Variants in BICC1 observed in about 807,000 individuals in gnomAD.
BICC1 encodes the protein BicC family RNA binding protein 1.
In BICC1, 43 loss-of-function variants were observed where a neutral mutation model predicts 111.0. The observed-to-expected ratio is 0.39, with a 90% CI of 0.30 to 0.50. BICC1 has a LOEUF of 0.50. Among genes scored for constraint, BICC1 ranks in the 20% least tolerant of loss-of-function variants. The pLI is 0.88. For synonymous variants in BICC1, 467 were observed against 434.4 expected (o/e 1.07, Z -0.93); for missense variants, 1,091 against 1,203.2 (o/e 0.91, Z 1.38).
In BICC1 at chr10:58,828,933, G is replaced by A. The variant is rs757118475; in HGVS notation, c.*42G>A. On this transcript the variant is annotated 3_prime_UTR_variant, in exon 21 of 21. Transcript: ENST00000373886. ...CATGCCCGCTGACTAACTGTAAAGTGGACACAGGAGATGTATGAACAGCCT... is the reference window on the plus strand; with the variant it reads ...CATGCCCGCTGACTAACTGTAAAGTAGACACAGGAGATGTATGAACAGCCT... 6.8e-6 allele frequency: 11 copies of A among 1,610,472 alleles called. No homozygotes were observed. The highest frequency in any genetic ancestry group is 1.7e-5 in the Admixed American group (1 of 59,800).
intron 1 of BICC1, among the ~76,000 whole-genome samples, chr10:58,542,871 CAA>C (rs1843032300): frequency 1.3e-5 from 2 of 150,976 alleles, no homozygotes; most frequent in South Asian, 4.2e-4. Context: ...CTGAAAAAAA[CAA>C]GTGTTGGTTA....
intron 19 of BICC1, among the ~76,000 whole-genome samples, chr10:58,818,062 T>G (rs1270037812): frequency 6.6e-6 from 1 of 152,224 alleles, no homozygotes; most frequent in African/African-American, 2.4e-5. Context: ...TAACATGATT[T>G]CATTTTGAAT....
chr10:58,711,507 A>G (rs1327531156), intron 3 of BICC1, among the ~76,000 whole-genome samples: 1 of 152,228 alleles, frequency 6.6e-6, no homozygotes, highest in Non-Finnish European at 1.5e-5. Context: ...TCTCACACTC[A>G]CAGACATACA....
At chr10:58,681,405 A>T (rs772835890) in intron 2 of BICC1, among the ~76,000 whole-genome samples, 5 of 152,218 alleles carry the variant, frequency 3.3e-5, no homozygotes, top group Non-Finnish European at 5.9e-5. Flanking sequence ...CATATGAAAA[A>T]AGCTCATCAT....
chr10:58,794,410 T>C (rs1276278545), intron 9 of BICC1, among the ~76,000 whole-genome samples: 1 of 150,250 alleles, frequency 6.7e-6, no homozygotes, highest in Non-Finnish European at 1.5e-5. Context: ...AAAAATTTAA[T>C]GGAATAAATG....
intron 1 of BICC1, among the ~76,000 whole-genome samples, chr10:58,559,340 T>G (rs923187890): frequency 2.0e-5 from 3 of 147,562 alleles, no homozygotes; most frequent in Non-Finnish European, 4.5e-5. Flanking sequence ...GGCATTTGTG[T>G]TTTTTTTTTG....
chr10:58,539,838 T>C (rs146489518), intron 1 of BICC1, among the ~76,000 whole-genome samples: 400 of 152,016 alleles, frequency 2.6e-3, no homozygotes, highest in African/African-American at 9.4e-3. Context: ...AGATAGTCTT[T>C]TCAAGTGCAC....
chr10:58,572,415 T>C (rs1843985539), intron 1 of BICC1, among the ~76,000 whole-genome samples: 1 of 152,152 alleles, frequency 6.6e-6, no homozygotes, highest in South Asian at 2.1e-4. Context: ...TGAATGGTAT[T>C]GCCTTAATTA....
chr10:58,670,769 C>T (rs1334980373), intron 2 of BICC1, among the ~76,000 whole-genome samples: 2 of 152,090 alleles, frequency 1.3e-5, no homozygotes, highest in African/African-American at 4.8e-5. Context: ...CATCTTTATT[C>T]ATGAAAGCCA....
chr10:58,757,078 T>C (rs1349850638), intron 3 of BICC1, among the ~76,000 whole-genome samples: 2 of 152,214 alleles, frequency 1.3e-5, no homozygotes, highest in African/African-American at 4.8e-5. Flanking sequence ...GAAGTAACCG[T>C]ATGTAATTTA....
chr10:58,769,400 GTGTGTATA>G lies in BICC1; in HGVS notation c.308-15599_308-15592del, dbSNP rs1462632229. On this transcript the variant is annotated intron_variant, in intron 3 of 20. Transcript: ENST00000373886. ...TATGTGTGTGTGTGTGTGTGTGTGTGTGTGTATATATATATATATATATATAATCACAG... is the reference window on the plus strand; with the variant it reads ...TATGTGTGTGTGTGTGTGTGTGTGTGTATATATATATATATATAATCACAG... Among the ~76,000 whole-genome samples the G allele has an allele frequency of 1.1e-3, 113 of 106,594 alleles. 2 individuals carry two copies. The highest frequency in any genetic ancestry group is 2.4e-3 in the Admixed American group (26 of 10,742). The allele number at this position is 106,594 out of a possible 152,430, so 69.9% of individuals were successfully genotyped here.
chr10:58,750,128 A>C (rs948671415), intron 3 of BICC1, among the ~76,000 whole-genome samples: 1 of 152,118 alleles, frequency 6.6e-6, no homozygotes, highest in Admixed American at 6.6e-5. Context: ...GAAACTTCTA[A>C]GGCAAGTAGA....
chr10:58,659,573 G>T (rs1419968359), intron 2 of BICC1, among the ~76,000 whole-genome samples: 1 of 152,116 alleles, frequency 6.6e-6, no homozygotes, highest in East Asian at 1.9e-4. Flanking sequence ...TGGAGGGAGG[G>T]AGGAGGGTGA....
intron 1 of BICC1, among the ~76,000 whole-genome samples, chr10:58,518,376 T>C (rs1842297946): frequency 6.6e-6 from 1 of 152,066 alleles, no homozygotes; most frequent in Admixed American, 6.6e-5. Flanking sequence ...ATAGTCCTAC[T>C]TTACGGTGAT....
intron 19 of BICC1, among the ~76,000 whole-genome samples, chr10:58,818,834 G>C (rs535438711): frequency 5.3e-4 from 80 of 152,216 alleles, no homozygotes; most frequent in African/African-American, 1.9e-3. Flanking sequence ...GGAAGCAGAA[G>C]TATTTTAATG....
At chr10:58,542,161 A>AAC (rs1217730278) in intron 1 of BICC1, among the ~76,000 whole-genome samples, 5 of 146,994 alleles carry the variant, frequency 3.4e-5, no homozygotes, top group South Asian at 2.1e-4. Context: ...AAAAAAAAAA[A>AAC]AAAAACAAAA....
Position 58,688,189 on chromosome 10 carries a change from G to T in BICC1, c.238-13885G>T, listed in dbSNP as rs558351663. Reference sequence around the variant, plus strand: ...GAAGGAACAAAGCTTCCACAGTGTGGAAGGGGACCCAAGTGGGTTGCCGCT... The same window carrying T: ...GAAGGAACAAAGCTTCCACAGTGTGTAAGGGGACCCAAGTGGGTTGCCGCT... On this transcript the variant is annotated intron_variant, in intron 2 of 20. Transcript: ENST00000373886. 1.4e-3 allele frequency among the ~76,000 whole-genome samples: 217 copies of T among 152,170 alleles called. 2 individuals are homozygous for T. The highest frequency in any genetic ancestry group is 2.3e-3 in the Non-Finnish European group (154 of 68,020).
intron 1 of BICC1, among the ~76,000 whole-genome samples, chr10:58,554,043 G>C (rs1843373620): frequency 6.6e-6 from 1 of 152,042 alleles, no homozygotes; most frequent in Non-Finnish European, 1.5e-5. Context: ...TTAAAATAAT[G>C]TTTTTGTTAT....
intron 17 of BICC1, 68 bp downstream of exon 17, chr10:58,807,226 C>A: frequency 6.8e-7 from 1 of 1,460,446 alleles, no homozygotes; most frequent in Non-Finnish European, 9.3e-7. Context: ...AGTCCTTCCC[C>A]CACCCTCATT....
Sources: gnomAD v4.1 joint callset for allele counts (sites outside exome capture counted in the v4.1 genomes callset) on GRCh38, gnomAD v4.1.1 for gene constraint, MANE v1.5 for transcripts, NCBI Gene and HGNC (gene_info 2026-07-23, HGNC 2026-07-21) for gene names.